RSRP1: variants seen among roughly 807,000 people sequenced by gnomAD.
RSRP1 encodes the protein arginine/serine-rich protein 1.
A neutral mutation model predicts 33.0 loss-of-function variants in RSRP1; 37 were observed. The observed-to-expected ratio is 1.12, with a 90% CI of 0.86 to 1.48. The LOEUF is 1.48. Ranked by LOEUF, RSRP1 falls within the 40% of genes most tolerant of loss-of-function variation. The pLI is 0.00. For missense variants in RSRP1, 402 were observed against 385.3 expected (o/e 1.04, Z -0.36); for synonymous variants, 167 against 158.7 (o/e 1.05, Z -0.40).
At chr1:25,267,035 TG>T (rs1175817844) in intron 1 of RSRP1, 1 of 115,414 alleles carries the variant, frequency 8.7e-6, no homozygotes, top group Non-Finnish European at 1.9e-5. Flanking sequence ...TCTCCGGGGC[TG>T]GATCTGACTC....
chr1:25,244,649 G>A (rs1377866673), intron 3 of RSRP1: 25 of 1,224,276 alleles, frequency 2.0e-5, no homozygotes, highest in Middle Eastern at 3.5e-4. Flanking sequence ...AGCTAATAAC[G>A]GTGTTATAAG....
intron 1 of RSRP1, chr1:25,294,326 GC>G: frequency 4.3e-6 from 5 of 1,161,320 alleles, no homozygotes; most frequent in Non-Finnish European, 3.8e-6. Context: ...CTTGTCCAAG[GC>G]CCCAGTGACC....
chr1:25,306,185 G>C (rs1380229203), intron 1 of RSRP1, among the ~76,000 whole-genome samples: 1 of 131,848 alleles, frequency 7.6e-6, no homozygotes, highest in African/African-American at 2.6e-5. Flanking sequence ...ACACAGTGGG[G>C]TGAGGGCTGC....
upstream of RSRP1, among the ~76,000 whole-genome samples, chr1:25,250,360 G>C (rs1639737493): frequency 6.6e-6 from 1 of 152,108 alleles, no homozygotes; most frequent in Non-Finnish European, 1.5e-5. Context: ...GGATAAAGAG[G>C]GCTGCAAGCA....
intron 1 of RSRP1, among the ~76,000 whole-genome samples, chr1:25,289,782 G>A (rs1642332304): frequency 1.6e-5 from 2 of 126,766 alleles, no homozygotes; most frequent in South Asian, 4.8e-4. Context: ...GATATTCTTA[G>A]TTGACAGGCT....
intron 1 of RSRP1, among the ~76,000 whole-genome samples, chr1:25,322,533 T>C (rs1409306688): frequency 7.6e-6 from 1 of 131,656 alleles, no homozygotes; most frequent in African/African-American, 2.6e-5. Flanking sequence ...GTTAGCTGGG[T>C]GTGGTGGCAC....
chr1:25,258,829 T>C (rs543054901), intron 1 of RSRP1, among the ~76,000 whole-genome samples: 20 of 152,362 alleles, frequency 1.3e-4, no homozygotes, highest in Admixed American at 3.3e-4. Flanking sequence ...TATAAGAAGT[T>C]TGGCATCATA....
Position 25,290,583 on chromosome 1 carries a change from GAA to G in RSRP1, c.-66-43556_-66-43555del, listed in dbSNP as rs1433812129. 54 of 1,200,420 alleles carry G rather than the reference GAA, an allele frequency of 4.5e-5. 7 individuals are homozygous for G. The East Asian group carries it at 5.2e-4, about 12-fold the overall frequency. 74.4% of individuals were successfully genotyped at this position (1,200,420 alleles called of 1,614,324 possible). A position where few individuals can be genotyped will look rare whatever the true frequency, so the allele number is the denominator to read the frequency against. On this transcript the variant is annotated intron_variant, in intron 1 of 1. Coordinates refer to the RSRP1 transcript ENST00000561867. ...TGAATGAATGAATGAATGAATGAAT[GAA>G]TGAGTGAGAGGCATCCTTCCTTCTC...
chr1:25,295,794 A>T (rs1299854394), intron 1 of RSRP1, among the ~76,000 whole-genome samples: 3 of 99,166 alleles, frequency 3.0e-5, no homozygotes, highest in Non-Finnish European at 7.0e-5. Context: ...TCTTCAAGGG[A>T]GCTGGGGATG....
Position 25,243,586 on chromosome 1 carries a change from T to C in RSRP1, c.720A>G (p.Lys240=), listed in dbSNP as rs751325489. 1 of 1,613,800 alleles carries C rather than the reference T, an allele frequency of 6.2e-7. No individual in the cohort carries two copies. The highest frequency in any genetic ancestry group is 1.1e-5 in the South Asian group (1 of 91,066). Reference sequence around the variant, plus strand: ...AAGCTATGCTTCTTTGCTGGGTAGGTTTTTCATTGGGATTTCGAGTTCCAT... The same window carrying C: ...AAGCTATGCTTCTTTGCTGGGTAGGCTTTTCATTGGGATTTCGAGTTCCAT... ...TEDGTRNPNE[K]PTQQRSIAFS... The change falls in exon 4 of 5, where the codon AAA becomes AAG. Residue 240 remains lysine (K), a synonymous_variant. Coordinates refer to ENST00000243189, the MANE Select transcript of RSRP1 (RefSeq NM_020317.5).
At chr1:25,306,856 T>C in intron 1 of RSRP1, 1 of 939,866 alleles carries the variant, frequency 1.1e-6, no homozygotes, top group South Asian at 1.3e-5. Context: ...CGGTGAATAT[T>C]TGTTGGCTGA....
chr1:25,313,436 T>C (rs2124060599), intron 1 of RSRP1, among the ~76,000 whole-genome samples: 1 of 133,100 alleles, frequency 7.5e-6, no homozygotes, highest in Middle Eastern at 4.1e-3. Flanking sequence ...GTATGCTTCT[T>C]TTACTCAACA....
At chr1:25,258,235 C>T (rs890645568) in intron 1 of RSRP1, among the ~76,000 whole-genome samples, 17 of 152,170 alleles carry the variant, frequency 1.1e-4, no homozygotes, top group African/African-American at 3.9e-4. Context: ...AGCTGGAGTG[C>T]AGTGGCACAA....
intron 1 of RSRP1, among the ~76,000 whole-genome samples, chr1:25,334,611 T>C (rs1011033225): frequency 7.5e-6 from 1 of 133,302 alleles, no homozygotes; most frequent in Non-Finnish European, 1.8e-5. Context: ...AGGATCTCCA[T>C]GAGGGCCCTG....
intron 1 of RSRP1, among the ~76,000 whole-genome samples, chr1:25,264,835 T>TG (rs1301635869): frequency 7.5e-5 from 5 of 67,086 alleles, no homozygotes; most frequent in African/African-American, 2.3e-4. Flanking sequence ...AGTCACCTCT[T>TG]GAATGCTTTG....
intron 1 of RSRP1, among the ~76,000 whole-genome samples, chr1:25,311,894 T>C (rs1644168518): frequency 7.6e-6 from 1 of 131,020 alleles, no homozygotes; most frequent in South Asian, 2.3e-4. Flanking sequence ...TCCACCTACA[T>C]TTCAAAGGGT....
intron 1 of RSRP1, chr1:25,301,117 G>A: frequency 2.2e-6 from 3 of 1,373,004 alleles, no homozygotes; most frequent in African/African-American, 1.4e-5. Flanking sequence ...GGGGTGAGTG[G>A]TCTCCTACTT....
Position 25,288,266 on chromosome 1 carries a change from C to T in RSRP1, c.-66-41237G>A, listed in dbSNP as rs1412533979. 3.8e-5 allele frequency among the ~76,000 whole-genome samples: 5 copies of T among 131,506 alleles called. 1 individual carries two copies. Among genetic ancestry groups the T allele is most frequent in the Non-Finnish European group, 9.0e-5 (5 of 55,566 alleles). 86.3% of individuals were successfully genotyped at this position (131,506 alleles called of 152,430 possible). On this transcript the variant is annotated intron_variant, in intron 1 of 1. Coordinates refer to the RSRP1 transcript ENST00000561867. ...CTCCTGGGCTCAAGTGATCTGCCCA[C>T]CTCGGCTCTGAAAAGTACTGGAATT...
At chr1:25,291,089 G>GAGAT (rs1642460246) in intron 1 of RSRP1, among the ~76,000 whole-genome samples, 1 of 130,788 alleles carries the variant, frequency 7.6e-6, no homozygotes, top group Admixed American at 7.5e-5. Flanking sequence ...CCAGGAGTTA[G>GAGAT]GGACCGAGCT....
Sources: gnomAD v4.1 joint callset for allele counts (sites outside exome capture counted in the v4.1 genomes callset) on GRCh38, gnomAD v4.1.1 for gene constraint, MANE v1.5 for transcripts, NCBI Gene and HGNC (gene_info 2026-07-23, HGNC 2026-07-21) for gene names.